Variants in WT1 observed in about 807,000 individuals in gnomAD.
The protein encoded by WT1 is WT1 transcription factor.
A neutral mutation model predicts 60.8 loss-of-function variants in WT1; 8 were observed. That is an observed-to-expected ratio of 0.13 (90% CI 0.08 to 0.24). The LOEUF (loss-of-function observed/expected upper bound fraction) is 0.24, where lower values mean the gene tolerates loss of function less well. Among genes scored for constraint, WT1 ranks in the 10% least tolerant of loss-of-function variants. The pLI is 1.00. For synonymous variants in WT1, 312 were observed against 297.1 expected (o/e 1.05, Z -0.52); for missense variants, 568 against 711.8 (o/e 0.80, Z 2.30).
intron 6 of WT1, among the ~76,000 whole-genome samples, chr11:32,397,897 G>A (rs1013324998): frequency 6.6e-6 from 1 of 152,194 alleles, no homozygotes; most frequent in Non-Finnish European, 1.5e-5. Flanking sequence ...TACCTGTCTG[G>A]TCTGGAGTGT....
At chr11:32,395,259 T>A (rs886375214) in intron 7 of WT1, among the ~76,000 whole-genome samples, 3 of 152,288 alleles carry the variant, frequency 2.0e-5, no homozygotes, top group Non-Finnish European at 4.4e-5. Flanking sequence ...CAGTAGCTCC[T>A]CTGTAGGAAA....
At chr11:32,395,618 C>T (rs1851945255) in intron 7 of WT1, among the ~76,000 whole-genome samples, 1 of 152,036 alleles carries the variant, frequency 6.6e-6, no homozygotes, top group East Asian at 1.9e-4. Flanking sequence ...CGTGCCACCA[C>T]ACCCGGCTCA....
intron 5 of WT1, among the ~76,000 whole-genome samples, chr11:32,407,371 G>A (rs2132991359): frequency 6.6e-6 from 1 of 152,220 alleles, no homozygotes; most frequent in African/African-American, 2.4e-5. Flanking sequence ...TTACAGATGA[G>A]GAAAACCAGA....
chr11:32,427,340 T>G (rs1010671093), intron 3 of WT1, among the ~76,000 whole-genome samples: 1 of 152,166 alleles, frequency 6.6e-6, no homozygotes, highest in Non-Finnish European at 1.5e-5. Flanking sequence ...AAGCTGGCCT[T>G]GGGCCTCCCG....
intron 5 of WT1, 162 bp from the exon 6 acceptor site, chr11:32,400,206 C>T (rs1489368028): frequency 4.8e-6 from 4 of 835,612 alleles, no homozygotes; most frequent in Non-Finnish European, 5.9e-6. Flanking sequence ...CAGGGTTCTG[C>T]GGAGGGCGAG....
rs1009219457 is a variant in WT1, at chr11:32,430,759, G to A, written c.662-2140C>T. Reference sequence around the variant, plus strand: ...GGACACGCAGACCTCGGCGGGCAAAGACCGGCCTCAAACCCTCTCCTTCAG... The same window carrying A: ...GGACACGCAGACCTCGGCGGGCAAAAACCGGCCTCAAACCCTCTCCTTCAG... On this transcript the variant is annotated intron_variant, in intron 1 of 9. Transcript: ENST00000452863. The A allele has an allele frequency of 9.0e-6, 12 of 1,340,078 alleles. No individual in the cohort carries two copies. The African/African-American group carries it at 1.6e-4, about 18-fold the overall frequency. The allele number at this position is 1,340,078 out of a possible 1,614,324, so 83.0% of individuals were successfully genotyped here.
chr11:32,435,424 GGTGGGTGA>G lies in WT1; in HGVS notation c.-72_-65del. On this transcript the variant is annotated 5_prime_UTR_variant, in exon 1 of 10. Transcript: ENST00000452863. ...CTGCCGTCCCGGCTCTGGGTGGGTG[GGTGGGTGA>G]ATGAGTAGGTGGGAGGGAGGGCGGG... is the stretch of plus-strand genomic sequence containing the variant. The G allele has an allele frequency of 1.0e-5, 4 of 385,388 alleles. No homozygotes were observed. Among genetic ancestry groups the G allele is most frequent in the Non-Finnish European group, 2.0e-5 (4 of 201,550 alleles). The allele number at this position is 385,388 out of a possible 1,614,324, so 23.9% of individuals were successfully genotyped here.
intron 9 of WT1, among the ~76,000 whole-genome samples, chr11:32,390,675 T>C (rs1320719403): frequency 6.6e-6 from 1 of 152,182 alleles, no homozygotes; most frequent in Non-Finnish European, 1.5e-5. Flanking sequence ...AAGGGCTGGC[T>C]CCTAATGGAC....
intron 3 of WT1, among the ~76,000 whole-genome samples, chr11:32,423,369 G>A (rs1418733215): frequency 1.3e-5 from 2 of 152,374 alleles, no homozygotes; most frequent in Non-Finnish European, 2.9e-5. Context: ...GAGTTTGAAA[G>A]ACAACTGCTC....
intron 7 of WT1, among the ~76,000 whole-genome samples, chr11:32,395,719 C>G (rs1851949167): frequency 6.6e-6 from 1 of 152,084 alleles, no homozygotes; most frequent in African/African-American, 2.4e-5. Context: ...ACTTCGGCCT[C>G]CCAAAGTGCT....
chr11:32,432,560 A>G (rs1162063974), intron 1 of WT1, among the ~76,000 whole-genome samples: 2 of 152,132 alleles, frequency 1.3e-5, no homozygotes, highest in Non-Finnish European at 2.9e-5. Flanking sequence ...AGGCTATATG[A>G]CTTGAATCTA....
chr11:32,388,851 T>C lies in WT1; in HGVS notation c.*207A>G. Reference sequence around the variant, plus strand: ...TTGTTAGCTGCTTCTCCAGGGCCTGTGAGTCAACTAAAAGTAGGCAGGGCA... The same window carrying C: ...TTGTTAGCTGCTTCTCCAGGGCCTGCGAGTCAACTAAAAGTAGGCAGGGCA... On this transcript the variant is annotated 3_prime_UTR_variant, in exon 10 of 10. Transcript: ENST00000452863. 1.2e-6 allele frequency: 1 copy of C among 813,066 alleles called. No individual in the cohort carries two copies. The highest frequency in any genetic ancestry group is 1.9e-6 in the Non-Finnish European group (1 of 529,718). The allele number at this position is 813,066 out of a possible 1,614,324, so 50.4% of individuals were successfully genotyped here.
chr11:32,408,696 A>G (rs1852403651), intron 5 of WT1, among the ~76,000 whole-genome samples: 1 of 152,158 alleles, frequency 6.6e-6, no homozygotes, highest in Non-Finnish European at 1.5e-5. Context: ...TGCCAAATCC[A>G]GACTGTGGGA....
At chr11:32,399,475 T>C (rs1474811507) in intron 6 of WT1, among the ~76,000 whole-genome samples, 2 of 152,208 alleles carry the variant, frequency 1.3e-5, no homozygotes, top group African/African-American at 2.4e-5. Flanking sequence ...AAAGTCCATG[T>C]ATAAAGCTTA....
At chr11:32,389,330 G>T in intron 9 of WT1, 151 bp from the exon 10 acceptor site, 1 of 1,341,712 alleles carries the variant, frequency 7.5e-7, no homozygotes, top group Non-Finnish European at 1.0e-6. Context: ...CATTTCCCAG[G>T]CAGCCTTGAA....
At chr11:32,427,067 C>T (rs1853072076) in intron 3 of WT1, among the ~76,000 whole-genome samples, 1 of 152,196 alleles carries the variant, frequency 6.6e-6, no homozygotes, top group African/African-American at 2.4e-5. Flanking sequence ...GTCAGGATCC[C>T]CGAGCACCAG....
intron 1 of WT1, among the ~76,000 whole-genome samples, chr11:32,434,206 A>G (rs914971366): frequency 6.6e-6 from 1 of 152,232 alleles, no homozygotes; most frequent in African/African-American, 2.4e-5. Flanking sequence ...TAAGGGCTGG[A>G]GGTGCTCCTG....
At position 32,388,261 on chromosome 11, in the gene WT1, C is replaced by T. The variant is rs148478722; in HGVS notation, c.*797G>A. On this transcript the variant is annotated 3_prime_UTR_variant, in exon 10 of 10. Transcript: ENST00000452863. ...CACTCCCAGTGATGAAAATGAATTC[C>T]CCTCCATTTGTGCAAGGAGGTATGT... 9 of 233,632 alleles carry T rather than the reference C, an allele frequency of 3.9e-5. No individual in the cohort carries two copies. The highest frequency in any genetic ancestry group is 1.3e-3 in the Middle Eastern group (1 of 786). 14.5% of individuals were successfully genotyped at this position (233,632 alleles called of 1,614,324 possible).
chr11:32,423,884 C>T (rs1209061259), intron 3 of WT1, among the ~76,000 whole-genome samples: 2 of 152,166 alleles, frequency 1.3e-5, no homozygotes, highest in African/African-American at 4.8e-5. Flanking sequence ...ATACATTGGC[C>T]TGGTGCGGTG....
Sources: allele counts gnomAD v4.1 joint callset (sites outside exome capture counted in the v4.1 genomes callset), GRCh38; gene constraint gnomAD v4.1.1; transcripts MANE v1.5; gene names NCBI Gene and HGNC (gene_info 2026-07-23, HGNC 2026-07-21).